STAB1: variants seen among roughly 807,000 people sequenced by gnomAD.
STAB1 encodes the protein stabilin 1.
STAB1 carries 250 observed loss-of-function variants against 332.4 expected under a neutral mutation model. The observed-to-expected ratio is 0.75, with a 90% CI of 0.68 to 0.84. The LOEUF is 0.84. Among genes scored for constraint, STAB1 ranks in the 40% least tolerant of loss-of-function variants. The probability of loss-of-function intolerance (pLI) is 0.00; values close to 1 mark genes in which losing one functional copy is unlikely to be tolerated. For synonymous variants in STAB1, 1,475 were observed against 1,390.4 expected, an observed-to-expected ratio of 1.06 and a Z score of -1.35; for missense variants, 3,249 against 3,489.7, an observed-to-expected ratio of 0.93 and a Z score of 1.74.
At chr3:52,519,649 T>C in intron 50 of STAB1, 85 bp downstream of exon 50, 1 of 1,542,496 alleles carries the variant, frequency 6.5e-7, no homozygotes, top group Non-Finnish European at 8.9e-7. Flanking sequence ...TGTGTGTGCA[T>C]ACCCACCTGT....
Position 52,516,701 on chromosome 3 carries a change from G to C in STAB1, c.4296G>C (p.Gln1432His). The C allele has an allele frequency of 6.2e-7, 1 of 1,612,310 alleles. No homozygotes were observed. The highest frequency in any genetic ancestry group is 8.5e-7 in the Non-Finnish European group (1 of 1,179,896). Residue 1432 changes from glutamine to histidine, a missense_variant, in exon 41 of 69, where the codon CAG (glutamine) becomes CAC (histidine). By Grantham distance (24) the Gln-to-His change is conservative. Transcript: ENST00000321725. ...RKCDPNANCV[Q>H]DSAGASTCAC... ...CTACCACCCCTCCCAGCTGCGTGCA[G>C]GACTCGGCCGGAGCCTCCACCTGCG...
intron 25 of STAB1, among the ~76,000 whole-genome samples, chr3:52,511,185 AGCT>A (rs1209182372): frequency 6.6e-6 from 1 of 152,108 alleles, no homozygotes; most frequent in Non-Finnish European, 1.5e-5. Flanking sequence ...GGCACCTGAG[AGCT>A]GAGGGGTCTC....
In STAB1 at chr3:52,507,993, G is replaced by C. The variant is rs1709003281; in HGVS notation, c.2115G>C (p.Lys705Asn). 2 of 1,613,540 alleles carry C rather than the reference G, an allele frequency of 1.2e-6. No individual in the cohort carries two copies. ...HDPTGLNVLK[K>N]GCASYCNQTI... ...CAACGGGGCTCAATGTGCTAAAGAAGGGCTGTGCCAGCTACTGCAACCAAA... is the reference window on the plus strand; with the variant it reads ...CAACGGGGCTCAATGTGCTAAAGAACGGCTGTGCCAGCTACTGCAACCAAA... Residue 705 changes from lysine (K) to asparagine (N), a missense_variant, in exon 20 of 69, where the codon AAG (lysine) becomes AAC (asparagine). Physicochemically the swap from Lys to Asn is moderately conservative, Grantham distance 94 (BLOSUM62 0). Transcript: ENST00000321725.
intron 17 of STAB1, among the ~76,000 whole-genome samples, chr3:52,506,453 G>A (rs1480132819): frequency 6.6e-6 from 1 of 152,252 alleles, no homozygotes; most frequent in Non-Finnish European, 1.5e-5. Flanking sequence ...CCAAAAAGGA[G>A]CATGGAGCAC....
intron 24 of STAB1, 41 bp from the exon 25 acceptor site, chr3:52,510,308 C>A (rs73837601): frequency 6.2e-7 from 1 of 1,613,770 alleles, no homozygotes; most frequent in Admixed American, 1.7e-5. Flanking sequence ...CCTCTGCCTA[C>A]GTTCTTGTGT....
In STAB1 at chr3:52,524,085, C is replaced by G. The variant is rs761414695; in HGVS notation, c.7543-15C>G. 1 of 1,613,300 alleles carries G rather than the reference C, an allele frequency of 6.2e-7. No homozygotes were observed. Among genetic ancestry groups the G allele is most frequent in the South Asian group, 1.1e-5 (1 of 91,086 alleles). ...GCTTGAGGCGCCTCGCCACTCACCC[C>G]TCTGCTGCTCCCAGGCGGAAGATGA... is the stretch of plus-strand genomic sequence containing the variant. On this transcript the variant is annotated splice_polypyrimidine_tract_variant and intron_variant, in intron 67 of 68. Coordinates refer to ENST00000321725, the MANE Select transcript of STAB1 (RefSeq NM_015136.3).
At position 52,519,417 on chromosome 3, in the gene STAB1, C is replaced by T. The variant is rs375611466; in HGVS notation, c.5175+13C>T. 13 of 1,612,658 alleles carry T rather than the reference C, an allele frequency of 8.1e-6. No homozygotes were observed. The highest frequency in any genetic ancestry group is 4.5e-5 in the East Asian group (2 of 44,886). On this transcript the variant is annotated intron_variant, in intron 49 of 68. Transcript: ENST00000321725. ...TCCCATCCCGAGGGTATGACAAGCA[C>T]GGGCCTGGGAGCTGGAAGACAGGCA...
At chr3:52,508,984 T>C (rs1709093521) in intron 21 of STAB1, among the ~76,000 whole-genome samples, 1 of 152,168 alleles carries the variant, frequency 6.6e-6, no homozygotes, top group African/African-American at 2.4e-5. Flanking sequence ...ACACAGGAGT[T>C]ATGTGTTTCT....
At chr3:52,504,900 G>A (rs776563336) in intron 12 of STAB1, 24 bp downstream of exon 12, 1 of 1,613,478 alleles carries the variant, frequency 6.2e-7, no homozygotes, top group East Asian at 2.2e-5. Context: ...CTCAGCCTGG[G>A]GACAAGAGGA....
At chr3:52,516,624 C>A in intron 40 of STAB1, 37 bp downstream of exon 40, 4 of 1,612,448 alleles carry the variant, frequency 2.5e-6, no homozygotes, top group Non-Finnish European at 3.4e-6. Context: ...GGGTGAGTGG[C>A]GGGGAGCCTG....
Position 52,495,423 on chromosome 3 carries a change from C to T in STAB1, c.10C>T (p.Pro4Ser), listed in dbSNP as rs745309180. The change falls in exon 1 of 69, where the codon CCC becomes TCC. Residue 4 changes from proline (P) to serine (S), a missense_variant. Transcript: ENST00000321725. The stretch of plus-strand genomic sequence containing the variant: ...AGCGTGCCCACCAGCCATGGCGGGG[C>T]CCCGGGGCCTCCTCCCACTCTGCCT... MAG[P>S]RGLLPLCLLA... The T allele has an allele frequency of 6.7e-6, 9 of 1,339,976 alleles. No homozygotes were observed. Among genetic ancestry groups the T allele is most frequent in the Non-Finnish European group, 8.7e-6 (9 of 1,038,984 alleles). The allele number at this position is 1,339,976 out of a possible 1,614,324, so 83.0% of individuals were successfully genotyped here.
At chr3:52,497,867 G>A (rs1268716121) in intron 1 of STAB1, among the ~76,000 whole-genome samples, 2 of 152,180 alleles carry the variant, frequency 1.3e-5, no homozygotes, top group African/African-American at 4.8e-5. Context: ...TTCAGTAAGG[G>A]CAGCAACAGG....
chr3:52,508,446 C>A, intron 21 of STAB1, 87 bp downstream of exon 21: 4 of 1,267,776 alleles, frequency 3.2e-6, no homozygotes, highest in South Asian at 1.2e-5. Context: ...GTGTCTGGGC[C>A]AAGCCTGCCA....
chr3:52,516,329 CTCCTA>C (rs1559705973), intron 38 of STAB1, 22 bp from the exon 39 acceptor site: 1 of 1,605,162 alleles, frequency 6.2e-7, no homozygotes, highest in East Asian at 2.2e-5. Flanking sequence ...CACTGGGCAA[CTCCTA>C]TCCTCCTTTA....
chr3:52,519,798 T>C (rs2079012504), intron 50 of STAB1, 146 bp from the exon 51 acceptor site: 2 of 1,188,726 alleles, frequency 1.7e-6, no homozygotes, highest in Admixed American at 5.0e-5. Flanking sequence ...AGTTGAGATG[T>C]GTGCACACAC....
In STAB1 at chr3:52,503,828, C is replaced by G; in HGVS notation, c.948C>G (p.Gly316=). 6.2e-7 allele frequency: 1 copy of G among 1,613,264 alleles called. No individual in the cohort carries two copies. The highest frequency in any genetic ancestry group is 1.6e-4 in the Middle Eastern group (1 of 6,062). ...GCATCAACAGCAACGCTTCTGCGGG[C>G]TGCTTCGCCTTCTGCTCCCCCTTCT... ...LVSINSNASA[G]CFAFCSPFSC... is the part of the protein sequence containing the mutation. Residue 316 remains glycine, a synonymous_variant, in exon 9 of 69, where the codon GGC becomes GGG. Transcript: ENST00000321725.
intron 5 of STAB1, 107 bp from the exon 6 acceptor site, chr3:52,502,525 G>C (rs1708527778): frequency 5.9e-6 from 6 of 1,023,318 alleles, no homozygotes; most frequent in African/African-American, 1.6e-5. Flanking sequence ...TCTTAAGGTT[G>C]TACCTGCCCG....
In STAB1 at chr3:52,507,624, G is replaced by C. The variant is rs767480567; in HGVS notation, c.2001G>C (p.Val667=). ...EQHKIVAGSC[V]DCQALNTSTC... ...CCTGCCCTGCCCAGGGCTCCTGTGT[G>C]GACTGCCAAGCCCTGAACACCAGCA... Residue 667 remains valine, a synonymous_variant, in exon 19 of 69, where the codon GTG becomes GTC. Transcript: ENST00000321725. The C allele has an allele frequency of 2.5e-6, 4 of 1,613,452 alleles. No individual in the cohort carries two copies. Among genetic ancestry groups the C allele is most frequent in the African/African-American group, 1.3e-5 (1 of 74,898 alleles).
In STAB1 at chr3:52,515,062, C is replaced by T. The variant is rs759749984; in HGVS notation, c.3864+17C>T. 1.1e-5 allele frequency: 18 copies of T among 1,612,620 alleles called. No homozygotes were observed. The highest frequency in any genetic ancestry group is 8.3e-5 in the Admixed American group (5 of 59,976). On this transcript the variant is annotated intron_variant, in intron 36 of 68. Transcript: ENST00000321725. ...CAGCTGCAGGTGAGACTGGGCTTAG[C>T]GCAGCTCTGTCCCTGTGTTGCCTGC...
Sources: gnomAD v4.1 joint callset for allele counts (sites outside exome capture counted in the v4.1 genomes callset) on GRCh38, gnomAD v4.1.1 for gene constraint, MANE v1.5 for transcripts, NCBI Gene and HGNC (gene_info 2026-07-23, HGNC 2026-07-21) for gene names.